CDH18: variants seen among roughly 807,000 people sequenced by gnomAD.
CDH18 encodes cadherin-18.
Under a neutral mutation model 67.9 loss-of-function variants are expected in CDH18, and 31 were observed. That is an observed-to-expected ratio of 0.46 (90% CI 0.34 to 0.62). The LOEUF (loss-of-function observed/expected upper bound fraction) is 0.62. Among genes scored for constraint, CDH18 ranks in the 20% least tolerant of loss-of-function variants. The pLI, the probability that CDH18 is intolerant of heterozygous loss-of-function variation, is 0.01. For synonymous variants in CDH18, 362 were observed against 347.2 expected, an observed-to-expected ratio of 1.04 and a Z score of -0.48; for missense variants, 890 against 975.5, an observed-to-expected ratio of 0.91 and a Z score of 1.17.
intron 1 of CDH18, among the ~76,000 whole-genome samples, chr5:20,459,781 A>G (rs778652898): frequency 6.6e-6 from 1 of 152,180 alleles, no homozygotes; most frequent in Non-Finnish European, 1.5e-5. Context: ...TGGGAAAAGC[A>G]TAGAGGTAGG....
intron 3 of CDH18, among the ~76,000 whole-genome samples, chr5:19,813,874 ATTTTTTTGGAAGCT>A (rs886809021): frequency 6.6e-6 from 1 of 152,010 alleles, no homozygotes; most frequent in Non-Finnish European, 1.5e-5. Flanking sequence ...AAAATCTATG[ATTTTTTTGGAAGCT>A]TTTTTTTGGA....
intron 2 of CDH18, among the ~76,000 whole-genome samples, chr5:20,239,069 C>T (rs769258533): frequency 6.6e-6 from 1 of 152,152 alleles, no homozygotes; most frequent in Non-Finnish European, 1.5e-5. Context: ...ACTATTGATA[C>T]ATGCTATCAT....
chr5:19,471,710 G>T lies in CDH18; in HGVS notation c.*1516C>A, dbSNP rs6888085. Among the ~76,000 whole-genome samples the T allele has an allele frequency of 6.6e-6, 1 of 151,694 alleles. No homozygotes were observed. Among genetic ancestry groups the T allele is most frequent in the African/African-American group, 2.4e-5 (1 of 41,290 alleles). ...AAAAAAAGCCCCACCCAAATTCTCA[G>T]AAATTAGCTTATGAAAATATTAAAA... On this transcript the variant is annotated 3_prime_UTR_variant, in exon 13 of 13. Coordinates refer to ENST00000382275, the MANE Select transcript of CDH18 (RefSeq NM_004934.5).
Position 19,674,055 on chromosome 5 carries a change from A to G in CDH18, c.643+47292T>C, listed in dbSNP as rs143907620. On this transcript the variant is annotated intron_variant, in intron 5 of 12. Coordinates refer to ENST00000382275, the MANE Select transcript of CDH18 (RefSeq NM_004934.5). ...GAGATAAACAAGATAATTTTTCTAG[A>G]TTACTACCTTCTTTTATTTTTTTGT... 2.0e-5 allele frequency among the ~76,000 whole-genome samples: 3 copies of G among 152,272 alleles called. 1 individual carries two copies. The East Asian group carries it at 5.8e-4, about 29-fold the overall frequency.
chr5:20,526,098 G>C (rs1205907668), intron 1 of CDH18, among the ~76,000 whole-genome samples: 1 of 152,092 alleles, frequency 6.6e-6, no homozygotes, highest in Non-Finnish European at 1.5e-5. Flanking sequence ...AGGCTGGGAG[G>C]TTTGGACTGG....
chr5:20,186,685 C>G (rs1343838399), intron 2 of CDH18, among the ~76,000 whole-genome samples: 1 of 151,746 alleles, frequency 6.6e-6, no homozygotes, highest in Admixed American at 6.6e-5. Flanking sequence ...ATGTTAGATC[C>G]CTTGTACATT....
chr5:19,495,254 C>CAA (rs1267336612), intron 11 of CDH18, among the ~76,000 whole-genome samples: 1 of 152,126 alleles, frequency 6.6e-6, no homozygotes, highest in Non-Finnish European at 1.5e-5. Context: ...ATCCAGGCAG[C>CAA]AATCATCTTC....
At chr5:20,474,593 G>GA (rs35437699) in intron 1 of CDH18, among the ~76,000 whole-genome samples, 105,718 of 151,946 alleles carry the variant, frequency 0.7, 37,255 homozygotes, top group Non-Finnish European at 0.76. Flanking sequence ...TTCTACACAT[G>GA]AAAAGTTGAC....
intron 2 of CDH18, among the ~76,000 whole-genome samples, chr5:20,201,754 T>C (rs995923531): frequency 7.2e-5 from 11 of 152,174 alleles, no homozygotes; most frequent in Non-Finnish European, 1.3e-4. Flanking sequence ...TTTTCCAGTA[T>C]ATTTGCTATT....
chr5:19,685,406 A>G (rs1019173257), intron 5 of CDH18, among the ~76,000 whole-genome samples: 25 of 152,182 alleles, frequency 1.6e-4, no homozygotes, highest in African/African-American at 6.0e-4. Flanking sequence ...GTCACTCTGT[A>G]CAGGTTATTA....
At chr5:20,255,795 G>T (rs1238139083) in intron 1 of CDH18, among the ~76,000 whole-genome samples, 1 of 151,950 alleles carries the variant, frequency 6.6e-6, no homozygotes, top group East Asian at 1.9e-4. Flanking sequence ...ACGACATAAA[G>T]AAGTTTTAAT....
intron 1 of CDH18, among the ~76,000 whole-genome samples, chr5:20,259,340 G>A (rs1744476187): frequency 6.6e-6 from 1 of 152,086 alleles, no homozygotes; most frequent in East Asian, 1.9e-4. Flanking sequence ...GCTTTTAAAT[G>A]ATGAAATTGG....
chr5:20,499,974 A>T (rs1454205061), intron 1 of CDH18, among the ~76,000 whole-genome samples: 1 of 152,090 alleles, frequency 6.6e-6, no homozygotes, highest in Non-Finnish European at 1.5e-5. Context: ...TTTTTCAGCT[A>T]TGTCACTTCT....
At chr5:20,028,141 T>C (rs1421142594) in intron 2 of CDH18, among the ~76,000 whole-genome samples, 2 of 152,066 alleles carry the variant, frequency 1.3e-5, no homozygotes, top group Non-Finnish European at 2.9e-5. Context: ...GTGTTTGTCA[T>C]TACTTTTAAT....
intron 7 of CDH18, among the ~76,000 whole-genome samples, chr5:19,578,472 T>A (rs932171953): frequency 1.3e-5 from 2 of 152,036 alleles, no homozygotes; most frequent in African/African-American, 4.8e-5. Flanking sequence ...GTTAAGAAAA[T>A]ATTGTTATAA....
At chr5:19,945,534 C>T (rs1295786810) in intron 2 of CDH18, among the ~76,000 whole-genome samples, 1 of 152,088 alleles carries the variant, frequency 6.6e-6, no homozygotes, top group African/African-American at 2.4e-5. Context: ...AATCAACTAA[C>T]ATCAATACTG....
chr5:20,261,745 T>C (rs754305503), intron 1 of CDH18, among the ~76,000 whole-genome samples: 1 of 151,594 alleles, frequency 6.6e-6, no homozygotes, highest in Non-Finnish European at 1.5e-5. Context: ...AAAAAAATGA[T>C]AGAGAAAAAT....
At chr5:19,620,072 A>G (rs1251916067) in intron 5 of CDH18, among the ~76,000 whole-genome samples, 1 of 152,222 alleles carries the variant, frequency 6.6e-6, no homozygotes, top group African/African-American at 2.4e-5. Context: ...ACTTAGCTGC[A>G]AGCTATGACT....
intron 1 of CDH18, among the ~76,000 whole-genome samples, chr5:20,287,809 C>T (rs1259036649): frequency 2.6e-5 from 4 of 151,660 alleles, no homozygotes; most frequent in Non-Finnish European, 5.9e-5. Context: ...CTCGGTATCA[C>T]ATTTAAAATG....
Sources: allele counts gnomAD v4.1 joint callset (sites outside exome capture counted in the v4.1 genomes callset), GRCh38; gene constraint gnomAD v4.1.1; transcripts MANE v1.5; gene names NCBI Gene and HGNC (gene_info 2026-07-23, HGNC 2026-07-21).